The following PPFIA2 variants were observed in gnomAD, a reference collection of about 807,000 sequenced individuals.
PPFIA2 encodes the protein liprin-alpha-2.
Under a neutral mutation model 175.5 loss-of-function variants are expected in PPFIA2, and 46 were observed. The ratio of observed to expected loss-of-function variants is 0.26; its 90% CI spans 0.21 to 0.34. The LOEUF (loss-of-function observed/expected upper bound fraction) is 0.34. Ranked by LOEUF, PPFIA2 falls within the 10% of genes least tolerant of loss-of-function variation. The pLI, the probability that PPFIA2 is intolerant of heterozygous loss-of-function variation, is 1.00. For synonymous variants in PPFIA2, 568 were observed against 511.4 expected (o/e 1.11, Z -1.49); for missense variants, 1,179 against 1,506.1 (o/e 0.78, Z 3.60).
At chr12:81,548,759 A>T (rs2067397201) in intron 4 of PPFIA2, among the ~76,000 whole-genome samples, 1 of 152,112 alleles carries the variant, frequency 6.6e-6, no homozygotes, top group Non-Finnish European at 1.5e-5. Flanking sequence ...ATATTTCCCA[A>T]ATTCAATGTA....
intron 4 of PPFIA2, among the ~76,000 whole-genome samples, chr12:81,524,207 T>C (rs2063483061): frequency 6.6e-6 from 1 of 152,190 alleles, no homozygotes; most frequent in Admixed American, 6.5e-5. Flanking sequence ...GGGTTGGTTC[T>C]ACCCTCAAGA....
At chr12:81,621,965 G>A (rs2062092271) in intron 4 of PPFIA2, among the ~76,000 whole-genome samples, 1 of 152,060 alleles carries the variant, frequency 6.6e-6, no homozygotes, top group Non-Finnish European at 1.5e-5. Flanking sequence ...AAAAGAAGAG[G>A]TCCAATAGCT....
chr12:81,734,194 T>C (rs2081285297), intron 3 of PPFIA2, among the ~76,000 whole-genome samples: 1 of 151,816 alleles, frequency 6.6e-6, no homozygotes, highest in South Asian at 2.1e-4. Flanking sequence ...AGTTTGTCTC[T>C]AACCCCAGGT....
chr12:81,332,096 GGAAAACAGA>G (rs1335377287), intron 21 of PPFIA2, among the ~76,000 whole-genome samples: 2 of 151,992 alleles, frequency 1.3e-5, no homozygotes, highest in East Asian at 3.9e-4. Flanking sequence ...AACTGCCTCT[GGAAAACAGA>G]GCTCGTTTGC....
intron 4 of PPFIA2, among the ~76,000 whole-genome samples, chr12:81,613,900 T>C (rs1922402): frequency 0.28 from 41,811 of 151,958 alleles, 6,220 homozygotes; most frequent in African/African-American, 0.38. Flanking sequence ...AAAATACTTA[T>C]TCTAAGATTA....
chr12:81,284,149 T>G, intron 25 of PPFIA2, 92 bp downstream of exon 25: 4 of 1,003,854 alleles, frequency 4.0e-6, no homozygotes, highest in Non-Finnish European at 6.2e-6. Context: ...ACACACCCTA[T>G]TACTCTGGTC....
At chr12:81,333,307 A>T (rs139291926) in intron 21 of PPFIA2, among the ~76,000 whole-genome samples, 1 of 152,210 alleles carries the variant, frequency 6.6e-6, no homozygotes, top group Non-Finnish European at 1.5e-5. Flanking sequence ...GAAAAGGACA[A>T]TAGCTCTTAT....
chr12:81,620,229 A>C (rs949031692), intron 4 of PPFIA2, among the ~76,000 whole-genome samples: 6 of 151,904 alleles, frequency 3.9e-5, no homozygotes, highest in African/African-American at 1.4e-4. Flanking sequence ...ATAAATAAAA[A>C]ATAATTTAAA....
At chr12:81,479,370 CTCTT>C (rs1331677472) in intron 4 of PPFIA2, among the ~76,000 whole-genome samples, 2 of 152,138 alleles carry the variant, frequency 1.3e-5, no homozygotes, top group Non-Finnish European at 2.9e-5. Context: ...TAGGTCTTGA[CTCTT>C]TATCCAATTT....
At chr12:81,669,267 T>C (rs895476942) in intron 4 of PPFIA2, among the ~76,000 whole-genome samples, 2 of 152,014 alleles carry the variant, frequency 1.3e-5, no homozygotes, top group Non-Finnish European at 2.9e-5. Context: ...AAGTTCACCT[T>C]TGTAATTTTA....
Position 81,642,341 on chromosome 12 carries a change from T to C in PPFIA2, c.303+34450A>G, listed in dbSNP as rs2065076875. On this transcript the variant is annotated intron_variant, in intron 4 of 32. Transcript: ENST00000549396. ...AGTTATGTAAGATTTTATGCAGTTA[T>C]TTTATCTCTCTGGCCTTAGCTTTTA... 2.0e-5 allele frequency among the ~76,000 whole-genome samples: 3 copies of C among 151,864 alleles called. No homozygotes were observed. The South Asian group carries it at 6.2e-4, about 31-fold the overall frequency.
At chr12:81,745,117 T>G (rs1836600640) in intron 3 of PPFIA2, among the ~76,000 whole-genome samples, 1 of 152,232 alleles carries the variant, frequency 6.6e-6, no homozygotes, top group South Asian at 2.1e-4. Context: ...CTAGCTTCTC[T>G]AGCATGATTA....
chr12:81,276,176 C>G (rs1168422224), intron 28 of PPFIA2, among the ~76,000 whole-genome samples: 1 of 152,092 alleles, frequency 6.6e-6, no homozygotes, highest in Non-Finnish European at 1.5e-5. Flanking sequence ...GAAACAAAGT[C>G]AAATACCTCA....
intron 4 of PPFIA2, among the ~76,000 whole-genome samples, chr12:81,579,468 TTAAGTC>T (rs919538888): frequency 2.6e-5 from 4 of 151,892 alleles, no homozygotes; most frequent in African/African-American, 9.6e-5. Flanking sequence ...TGGCAATATA[TTAAGTC>T]TAAGTCTGGA....
Position 81,536,893 on chromosome 12 carries a change from A to G in PPFIA2, c.304-79027T>C, listed in dbSNP as rs373582353. ...CATGACATAGCTAGAAAAACACGCT[A>G]TATTTCAAATATAGCAGTTAAGACT... is the stretch of plus-strand genomic sequence containing the variant. On this transcript the variant is annotated intron_variant, in intron 4 of 32. Coordinates refer to ENST00000549396, the MANE Select transcript of PPFIA2 (RefSeq NM_003625.5). 6.4e-4 allele frequency among the ~76,000 whole-genome samples: 96 copies of G among 150,786 alleles called. 3 individuals carry two copies. The South Asian group carries it at 0.019, about 30-fold the overall frequency.
chr12:81,466,876 T>TATATAATATATTATATTAA (rs1422668805), intron 4 of PPFIA2, among the ~76,000 whole-genome samples: 5 of 147,202 alleles, frequency 3.4e-5, no homozygotes, highest in Non-Finnish European at 4.5e-5. Context: ...ATTTTTAATA[T>TATATAATATATTATATTAA]ATATAATATA....
intron 4 of PPFIA2, among the ~76,000 whole-genome samples, chr12:81,496,673 GAGAGTCCAAT>G (rs1321365188): frequency 6.6e-6 from 1 of 152,162 alleles, no homozygotes; most frequent in Non-Finnish European, 1.5e-5. Flanking sequence ...TACAAGATCA[GAGAGTCCAAT>G]GTTTCTAGGC....
Position 81,445,732 on chromosome 12 carries a change from A to G in PPFIA2, c.406-12T>C. The G allele has an allele frequency of 6.2e-7, 1 of 1,607,536 alleles. No homozygotes were observed. Among genetic ancestry groups the G allele is most frequent in the Non-Finnish European group, 8.5e-7 (1 of 1,177,212 alleles). Reference sequence around the variant, plus strand: ...TGCTCCAGTAATAGCTATTGGGTTTAACAGAAAATGCAATTATCTTATGAA... The same window carrying G: ...TGCTCCAGTAATAGCTATTGGGTTTGACAGAAAATGCAATTATCTTATGAA... On this transcript the variant is annotated splice_polypyrimidine_tract_variant and intron_variant, in intron 5 of 32. Transcript: ENST00000549396.
At chr12:81,549,948 A>G (rs1283459814) in intron 4 of PPFIA2, among the ~76,000 whole-genome samples, 2 of 151,954 alleles carry the variant, frequency 1.3e-5, no homozygotes, top group Non-Finnish European at 2.9e-5. Context: ...TTTTTATCTT[A>G]GCAAAAACAA....
Sources: allele counts gnomAD v4.1 joint callset (sites outside exome capture counted in the v4.1 genomes callset), GRCh38; gene constraint gnomAD v4.1.1; transcripts MANE v1.5; gene names NCBI Gene and HGNC (gene_info 2026-07-23, HGNC 2026-07-21).